Variants in CATSPERE observed in about 807,000 individuals in gnomAD.
The protein encoded by CATSPERE is catsper channel auxiliary subunit epsilon.
In CATSPERE, 93 loss-of-function variants were observed where a neutral mutation model predicts 114.1. The observed-to-expected ratio is 0.81, with a 90% CI of 0.69 to 0.97. The LOEUF is 0.97. CATSPERE is among the 50% of genes least tolerant of loss of function. CATSPERE has a pLI of 0.00. For missense variants in CATSPERE, 1,058 were observed against 1,131.6 expected, an observed-to-expected ratio of 0.93 and a Z score of 0.93; for synonymous variants, 341 against 384.1, an observed-to-expected ratio of 0.89 and a Z score of 1.31.
At chr1:244,556,654 T>C (rs1661620933) in intron 9 of CATSPERE, among the ~76,000 whole-genome samples, 1 of 152,240 alleles carries the variant, frequency 6.6e-6, no homozygotes, top group African/African-American at 2.4e-5. Flanking sequence ...TTGTGTTTTC[T>C]TCTAGGAATT....
In CATSPERE at chr1:244,529,298, C is replaced by A. The variant is rs529112935; in HGVS notation, c.536+10600C>A. Among the ~76,000 whole-genome samples, 80 of 151,854 alleles carry A rather than the reference C, an allele frequency of 5.3e-4. No homozygotes were observed. The East Asian group carries it at 0.014, about 26-fold the overall frequency. On this transcript the variant is annotated intron_variant, in intron 8 of 21. Coordinates refer to ENST00000366534, the MANE Select transcript of CATSPERE (RefSeq NM_001130957.2). ...TACTAATTTACATTCCCACCCACAGCATACAGGGGCTCCCTTTCTCCAGCA... is the reference window on the plus strand; with the variant it reads ...TACTAATTTACATTCCCACCCACAGAATACAGGGGCTCCCTTTCTCCAGCA...
At chr1:244,539,960 G>A (rs1412678184) in intron 8 of CATSPERE, among the ~76,000 whole-genome samples, 1 of 149,732 alleles carries the variant, frequency 6.7e-6, no homozygotes, top group Admixed American at 6.7e-5. Flanking sequence ...ATGGTTTTTT[G>A]TGTCTCTATT....
chr1:244,561,011 T>C lies in CATSPERE; in HGVS notation c.1373T>C (p.Leu458Ser), dbSNP rs937447326. The change falls in exon 10 of 22, where the codon TTA becomes TCA. Residue 458 changes from leucine (L) to serine (S), a missense_variant. By Grantham distance (145) the Leu-to-Ser change is moderately radical (BLOSUM62 -2). Transcript: ENST00000366534. ...PHFTFSALPG[L>S]LLWNKHSIYY... Reference sequence around the variant, plus strand: ...TTTACATTTTCAGCACTGCCAGGATTACTGCTATGGAACAAGCATAGTATC... The same window carrying C: ...TTTACATTTTCAGCACTGCCAGGATCACTGCTATGGAACAAGCATAGTATC... The C allele has an allele frequency of 6.2e-7, 1 of 1,613,464 alleles. No homozygotes were observed. Among genetic ancestry groups the C allele is most frequent in the Admixed American group, 1.7e-5 (1 of 60,000 alleles).
intron 19 of CATSPERE, among the ~76,000 whole-genome samples, chr1:244,615,487 G>A (rs936668393): frequency 1.1e-4 from 16 of 151,432 alleles, no homozygotes; most frequent in African/African-American, 3.6e-4. Context: ...AACGTAGGCG[G>A]TGTAGCCTAC....
intron 10 of CATSPERE, among the ~76,000 whole-genome samples, chr1:244,562,980 C>T (rs145859156): frequency 0.013 from 2,033 of 152,204 alleles, 100 homozygotes; most frequent in Admixed American, 0.087. Context: ...TGAGAACATA[C>T]GGTATTTGGT....
chr1:244,455,716 T>C (rs896412326), intron 1 of CATSPERE, among the ~76,000 whole-genome samples: 1 of 152,102 alleles, frequency 6.6e-6, no homozygotes, highest in Admixed American at 6.5e-5. Flanking sequence ...CCTATCTTAA[T>C]GTACACATGA....
chr1:244,470,619 A>C (rs1036972876), intron 2 of CATSPERE, among the ~76,000 whole-genome samples: 2 of 152,218 alleles, frequency 1.3e-5, no homozygotes, highest in African/African-American at 2.4e-5. Flanking sequence ...CAAACAGTTA[A>C]ACATAGTGTT....
chr1:244,584,022 G>A (rs1307678554), intron 13 of CATSPERE, 83 bp downstream of exon 13: 35 of 1,022,352 alleles, frequency 3.4e-5, no homozygotes, highest in South Asian at 2.5e-4. Flanking sequence ...CAATACCTCC[G>A]TACAATACCT....
chr1:244,569,559 T>A (rs939619853), intron 10 of CATSPERE, among the ~76,000 whole-genome samples: 9 of 152,224 alleles, frequency 5.9e-5, no homozygotes, highest in Non-Finnish European at 1.0e-4. Flanking sequence ...TATTTTTAAA[T>A]GGTCAAATTT....
At chr1:244,530,334 A>G (rs1015443104) in intron 8 of CATSPERE, among the ~76,000 whole-genome samples, 3 of 152,086 alleles carry the variant, frequency 2.0e-5, no homozygotes, top group Non-Finnish European at 4.4e-5. Context: ...CTGTAGATGT[A>G]TTGATTTGTC....
At chr1:244,488,233 G>C (rs527424370) in intron 5 of CATSPERE, among the ~76,000 whole-genome samples, 1 of 152,196 alleles carries the variant, frequency 6.6e-6, no homozygotes, top group Non-Finnish European at 1.5e-5. Context: ...TGCCAAATTC[G>C]ATGGGATTTT....
chr1:244,491,034 A>G (rs1288642773), intron 6 of CATSPERE, among the ~76,000 whole-genome samples: 1 of 152,170 alleles, frequency 6.6e-6, no homozygotes, highest in Non-Finnish European at 1.5e-5. Flanking sequence ...TAGACAGATC[A>G]ACGAGACAGA....
chr1:244,615,450 G>A (rs1671254591), intron 19 of CATSPERE, among the ~76,000 whole-genome samples: 1 of 151,594 alleles, frequency 6.6e-6, no homozygotes, highest in Admixed American at 6.6e-5. Context: ...TTGTCATTAT[G>A]CAAACATCAC....
At chr1:244,451,750 G>C, upstream of CATSPERE, 1 of 1,602,460 alleles carries the variant, frequency 6.2e-7, no homozygotes, top group Non-Finnish European at 8.5e-7. The surrounding 1 kb of genome is among the most constrained non-coding windows in gnomAD (Gnocchi z 6.6). Flanking sequence ...TCCGGGCCGC[G>C]CCCTGGGGCG....
intron 13 of CATSPERE, among the ~76,000 whole-genome samples, chr1:244,585,768 T>C (rs1666934721): frequency 6.6e-6 from 1 of 152,222 alleles, no homozygotes; most frequent in Non-Finnish European, 1.5e-5. Context: ...TCTTTATCTT[T>C]TAGTGTTCAG....
At chr1:244,579,452 C>T (rs1323026335) in intron 11 of CATSPERE, among the ~76,000 whole-genome samples, 1 of 151,994 alleles carries the variant, frequency 6.6e-6, no homozygotes, top group Non-Finnish European at 1.5e-5. Context: ...CGTGAAACAC[C>T]TTTTTCTTAA....
chr1:244,461,540 C>G (rs1416042699), intron 1 of CATSPERE, 46 bp downstream of exon 1: 2 of 1,259,724 alleles, frequency 1.6e-6, no homozygotes, highest in Non-Finnish European at 2.0e-6. Flanking sequence ...GGGGATTACC[C>G]CCGGCGGGGC....
intron 8 of CATSPERE, among the ~76,000 whole-genome samples, chr1:244,550,853 A>G (rs1021401246): frequency 6.6e-6 from 1 of 152,204 alleles, no homozygotes; most frequent in Non-Finnish European, 1.5e-5. Flanking sequence ...AACATCTTTC[A>G]ACCTGCTGTC....
chr1:244,489,083 C>T (rs1671529363), intron 5 of CATSPERE, among the ~76,000 whole-genome samples: 1 of 152,178 alleles, frequency 6.6e-6, no homozygotes, highest in Non-Finnish European at 1.5e-5. Context: ...AAAAAACTTT[C>T]TAGAAAACAT....
Sources: allele counts gnomAD v4.1 joint callset (sites outside exome capture counted in the v4.1 genomes callset), GRCh38; gene constraint gnomAD v4.1.1; non-coding constraint Gnocchi (gnomAD v3.1); transcripts MANE v1.5; gene names NCBI Gene and HGNC (gene_info 2026-07-23, HGNC 2026-07-21).